Variants in SEMA3E observed in about 807,000 individuals in gnomAD.
The protein encoded by SEMA3E is semaphorin-3E.
Under a neutral mutation model 93.6 loss-of-function variants are expected in SEMA3E, and 49 were observed. The ratio of observed to expected loss-of-function variants is 0.52; its 90% CI spans 0.42 to 0.66. The LOEUF (loss-of-function observed/expected upper bound fraction) is 0.66. SEMA3E is among the 30% of genes least tolerant of loss of function. SEMA3E has a pLI of 0.00. For missense variants in SEMA3E, 906 were observed against 964.8 expected (o/e 0.94, Z 0.81); for synonymous variants, 363 against 330.7 (o/e 1.10, Z -1.06).
At chr7:83,531,477 A>G (rs36057105) in intron 1 of SEMA3E, among the ~76,000 whole-genome samples, 79,238 of 150,120 alleles carry the variant, frequency 0.53, 23,174 homozygotes, top group Middle Eastern at 0.69. Flanking sequence ...CTCTGGTTCC[A>G]GAGTAGCTGG....
chr7:83,382,921 C>A (rs1299927016), intron 16 of SEMA3E, among the ~76,000 whole-genome samples: 14 of 151,910 alleles, frequency 9.2e-5, no homozygotes, highest in Non-Finnish European at 1.5e-5. Context: ...AAGATTAATT[C>A]AGTTTCTAAA....
intron 1 of SEMA3E, chr7:83,616,785 C>A: frequency 2.3e-6 from 1 of 437,464 alleles, no homozygotes; most frequent in Non-Finnish European, 4.5e-6. Flanking sequence ...AGTGCAAAGG[C>A]GTGATCTCCT....
At chr7:83,414,143 T>C (rs1024287353) in intron 5 of SEMA3E, among the ~76,000 whole-genome samples, 1 of 152,174 alleles carries the variant, frequency 6.6e-6, no homozygotes, top group Non-Finnish European at 1.5e-5. Flanking sequence ...ACCTGAAGTC[T>C]ATGTTTCTAT....
At chr7:83,539,006 A>G (rs931725448) in intron 1 of SEMA3E, among the ~76,000 whole-genome samples, 2 of 152,154 alleles carry the variant, frequency 1.3e-5, no homozygotes, top group African/African-American at 4.8e-5. Flanking sequence ...CTGCTCATCT[A>G]TAAAACTGGG....
chr7:83,388,818 T>TC (rs1352473638), intron 14 of SEMA3E, among the ~76,000 whole-genome samples: 1 of 151,352 alleles, frequency 6.6e-6, no homozygotes, highest in African/African-American at 2.4e-5. Context: ...CTTTTTTTTT[T>TC]TTTTCATTCT....
chr7:83,389,296 G>A (rs763997717), intron 14 of SEMA3E, among the ~76,000 whole-genome samples: 1 of 151,772 alleles, frequency 6.6e-6, no homozygotes, highest in Admixed American at 6.6e-5. Flanking sequence ...AGAACCTAAG[G>A]GCTGATGAGC....
At chr7:83,421,035 A>G (rs1219368900) in intron 4 of SEMA3E, among the ~76,000 whole-genome samples, 2 of 142,626 alleles carry the variant, frequency 1.4e-5, no homozygotes, top group African/African-American at 5.0e-5. Flanking sequence ...GACAACTTAC[A>G]GAATGTGAGA....
intron 5 of SEMA3E, among the ~76,000 whole-genome samples, chr7:83,409,581 A>T (rs1788400452): frequency 6.6e-6 from 1 of 152,150 alleles, no homozygotes; most frequent in African/African-American, 2.4e-5. Flanking sequence ...TGCAATGTGT[A>T]TGCATACACA....
At chr7:83,489,991 T>C in intron 2 of SEMA3E, 123 bp downstream of exon 2, 1 of 870,162 alleles carries the variant, frequency 1.1e-6, no homozygotes, top group Non-Finnish European at 1.8e-6. Flanking sequence ...ACTAATATTT[T>C]ATTTAAAAAG....
At chr7:83,508,940 T>A (rs1249863524) in intron 1 of SEMA3E, among the ~76,000 whole-genome samples, 1 of 152,162 alleles carries the variant, frequency 6.6e-6, no homozygotes, top group Non-Finnish European at 1.5e-5. Flanking sequence ...AAGTACATTA[T>A]AAACAGAAGC....
intron 1 of SEMA3E, among the ~76,000 whole-genome samples, chr7:83,643,714 A>G (rs1477960901): frequency 1.3e-5 from 2 of 152,044 alleles, no homozygotes; most frequent in East Asian, 3.8e-4. Context: ...AGCAGACTCA[A>G]CAAAACATAT....
At chr7:83,453,422 A>G (rs1286796861) in intron 4 of SEMA3E, among the ~76,000 whole-genome samples, 1 of 21,212 alleles carries the variant, frequency 4.7e-5, no homozygotes, top group African/African-American at 7.0e-5. Flanking sequence ...CTCCCTACTG[A>G]AAAAAAAAAA....
At chr7:83,598,030 A>G (rs770782326) in intron 1 of SEMA3E, among the ~76,000 whole-genome samples, 1 of 152,186 alleles carries the variant, frequency 6.6e-6, no homozygotes, top group African/African-American at 2.4e-5. Flanking sequence ...AGGCATTGCA[A>G]CTAACTTTGT....
At position 83,648,900 on chromosome 7, in the gene SEMA3E, A is replaced by G. The variant is rs938125371; in HGVS notation, c.-358T>C. 1.4e-4 allele frequency: 27 copies of G among 190,638 alleles called. No homozygotes were observed. The highest frequency in any genetic ancestry group is 4.9e-4 in the South Asian group (6 of 12,204). 11.8% of individuals were successfully genotyped at this position (190,638 alleles called of 1,614,324 possible). On this transcript the variant is annotated 5_prime_UTR_variant, in exon 1 of 17. Transcript: ENST00000643230. ...TCATTCAGAAAAAAAAAAAAAAAAG[A>G]GAGAAAAAAACAAAACCGAGCACAC...
intron 15 of SEMA3E, among the ~76,000 whole-genome samples, chr7:83,385,981 T>C (rs1443367858): frequency 2.6e-5 from 4 of 152,108 alleles, no homozygotes; most frequent in Admixed American, 6.6e-5. Context: ...CCAGAAAGGC[T>C]CTTACTGGAC....
At chr7:83,511,727 A>G (rs983901543) in intron 1 of SEMA3E, among the ~76,000 whole-genome samples, 1 of 151,992 alleles carries the variant, frequency 6.6e-6, no homozygotes, top group Non-Finnish European at 1.5e-5. Flanking sequence ...TCTACTAAAA[A>G]TACAAAAAAG....
In SEMA3E at chr7:83,367,881, AC is replaced by A. The variant is rs1331613090; in HGVS notation, c.2032del (p.Val678SerfsTer39). Reference protein sequence around the residue: ...ITLEVVEEEKVEDMFNKDDEE... With the variant: ...ITLEVVEEEKXEDMFNKDDEE... ...ATCGTCCTTGTTAAACATATCCTCG[AC>A]TTTCTCCTCTTCCACTACCTCCAAG... On this transcript the variant is annotated frameshift_variant, in exon 17 of 17. Transcript: ENST00000643230. LOFTEE classifies it high-confidence loss of function. The A allele has an allele frequency of 6.2e-7, 1 of 1,611,048 alleles. No homozygotes were observed. The highest frequency in any genetic ancestry group is 8.5e-7 in the Non-Finnish European group (1 of 1,177,958).
intron 16 of SEMA3E, chr7:83,371,997 C>T: frequency 3.1e-6 from 1 of 327,712 alleles, no homozygotes. Context: ...TCTCTTCAAA[C>T]ATATAAGTTT....
At chr7:83,472,565 T>G (rs2246028) in intron 2 of SEMA3E, among the ~76,000 whole-genome samples, 67,544 of 152,018 alleles carry the variant, frequency 0.44, 16,357 homozygotes, top group East Asian at 0.66. Context: ...TCCACCTCCT[T>G]TCTTAAGTTC....
Sources: allele counts gnomAD v4.1 joint callset (sites outside exome capture counted in the v4.1 genomes callset), GRCh38; gene constraint gnomAD v4.1.1; transcripts MANE v1.5; gene names NCBI Gene and HGNC (gene_info 2026-07-23, HGNC 2026-07-21).